SLC2A14: variants seen among roughly 807,000 people sequenced by gnomAD.
SLC2A14 encodes solute carrier family 2 member 14.
Under a neutral mutation model 43.0 loss-of-function variants are expected in SLC2A14, and 13 were observed. The observed-to-expected ratio is 0.30, with a 90% CI of 0.20 to 0.48. SLC2A14 has a LOEUF of 0.48. SLC2A14 is among the 20% of genes least tolerant of loss of function. The pLI, the probability that SLC2A14 is intolerant of heterozygous loss-of-function variation, is 0.99. For synonymous variants in SLC2A14, 190 were observed against 233.8 expected (o/e 0.81, Z 1.71); for missense variants, 428 against 620.4 (o/e 0.69, Z 3.29).
At chr12:7,862,594 C>T (rs1232955152) in intron 2 of SLC2A14, among the ~76,000 whole-genome samples, 1 of 152,184 alleles carries the variant, frequency 6.6e-6, no homozygotes, top group African/African-American at 2.4e-5. Context: ...GACTGGCAGG[C>T]AGCTCCACCT....
intron 2 of SLC2A14, among the ~76,000 whole-genome samples, chr12:7,853,429 C>CAAAAA (rs35414391): frequency 2.4e-5 from 2 of 84,596 alleles, no homozygotes; most frequent in African/African-American, 1.0e-4. Context: ...GACTCCATTT[C>CAAAAA]AAAAAAAAAA....
chr12:7,853,845 T>C (rs1867135487), intron 2 of SLC2A14, among the ~76,000 whole-genome samples: 1 of 152,112 alleles, frequency 6.6e-6, no homozygotes, highest in Non-Finnish European at 1.5e-5. Context: ...AGATGGAGAA[T>C]GTGATAACTT....
intron 2 of SLC2A14, among the ~76,000 whole-genome samples, chr12:7,867,032 C>A (rs1944949287): frequency 6.6e-6 from 1 of 151,474 alleles, no homozygotes; most frequent in Admixed American, 6.6e-5. Context: ...GTAATCCCAG[C>A]ACTTTGGGAG....
chr12:7,872,535 T>C (rs1020429395), intron 1 of SLC2A14, among the ~76,000 whole-genome samples: 2 of 152,186 alleles, frequency 1.3e-5, no homozygotes, highest in Non-Finnish European at 2.9e-5. Flanking sequence ...CCCTAGAATA[T>C]ACAGTCCAGC....
intron 1 of SLC2A14, chr12:7,890,984 A>T (rs763892258): frequency 1.1e-5 from 17 of 1,533,698 alleles, no homozygotes; most frequent in Admixed American, 2.0e-5. Flanking sequence ...TGATCTATCT[A>T]GTTCCACTTA....
chr12:7,849,413 AG>A lies in SLC2A14; in HGVS notation c.19-16600del, dbSNP rs537540309. Among the ~76,000 whole-genome samples the A allele has an allele frequency of 3.6e-4, 55 of 151,940 alleles. No homozygotes were observed. The South Asian group carries it at 0.011, about 30-fold the overall frequency. On this transcript the variant is annotated intron_variant, in intron 2 of 10. Transcript: ENST00000431042. ...TAGCTACTTGGGAGGCTGAAGTGGG[AG>A]GATCATTCAAGCTCTGGAGGTTGAG...
chr12:7,833,973 T>C (rs1431557986), intron 2 of SLC2A14, among the ~76,000 whole-genome samples: 2 of 152,110 alleles, frequency 1.3e-5, no homozygotes, highest in Admixed American at 1.3e-4. Flanking sequence ...CAACCTTTCC[T>C]ATCTTAAATT....
chr12:7,834,551 C>T lies in SLC2A14; in HGVS notation c.19-1737G>A, dbSNP rs1432314394. 4.2e-5 allele frequency among the ~76,000 whole-genome samples: 4 copies of T among 94,700 alleles called. No individual in the cohort carries two copies. In the East Asian group the frequency reaches 1.3e-3, roughly 30 times the overall value. 62.1% of individuals were successfully genotyped at this position (94,700 alleles called of 152,430 possible). On this transcript the variant is annotated intron_variant, in intron 2 of 10. Transcript: ENST00000431042. Reference sequence around the variant, plus strand: ...CTCTCTTTTTTTTTTTTTTTTGAGACCCCTTCTCTATCAAAAAAAAAAAAA... The same window carrying T: ...CTCTCTTTTTTTTTTTTTTTTGAGATCCCTTCTCTATCAAAAAAAAAAAAA...
At chr12:7,884,200 A>G (rs919318501) in intron 1 of SLC2A14, among the ~76,000 whole-genome samples, 29 of 152,202 alleles carry the variant, frequency 1.9e-4, no homozygotes, top group East Asian at 5.8e-4. Flanking sequence ...GATTACAGGC[A>G]TGAGCCACCG....
chr12:7,887,002 C>G (rs1318553871), intron 1 of SLC2A14, among the ~76,000 whole-genome samples: 1 of 150,764 alleles, frequency 6.6e-6, no homozygotes, highest in East Asian at 1.9e-4. Context: ...ACCTCCGCCT[C>G]CCAGGTTCAA....
At chr12:7,872,622 C>T in intron 1 of SLC2A14, 185 bp downstream of exon 1, 1 of 362,588 alleles carries the variant, frequency 2.8e-6, no homozygotes, top group Non-Finnish European at 3.8e-6. Flanking sequence ...AGTAGGTGCT[C>T]AGTAAATCAC....
chr12:7,863,875 G>A (rs775936348), intron 2 of SLC2A14, among the ~76,000 whole-genome samples: 1 of 150,626 alleles, frequency 6.6e-6, no homozygotes, highest in South Asian at 2.1e-4. Context: ...GGGTGCAGTG[G>A]CATGATCTTG....
intron 1 of SLC2A14, among the ~76,000 whole-genome samples, chr12:7,883,590 C>CTTTTTTTT (rs1204450230): frequency 5.3e-5 from 5 of 95,214 alleles, no homozygotes; most frequent in African/African-American, 1.4e-4. Flanking sequence ...TTTTTCTTTT[C>CTTTTTTTT]TTTTTTTTTT....
chr12:7,886,912 C>CTTT (rs11442108), intron 1 of SLC2A14, among the ~76,000 whole-genome samples: 13 of 131,862 alleles, frequency 9.9e-5, no homozygotes, highest in African/African-American at 2.0e-4. Flanking sequence ...TAATGATTTT[C>CTTT]TTTTTTTTTT....
At chr12:7,821,077 A>T in intron 8 of SLC2A14, 144 bp downstream of exon 8, 1 of 555,984 alleles carries the variant, frequency 1.8e-6, no homozygotes, top group Non-Finnish European at 3.0e-6. Flanking sequence ...ACAGAGCAAG[A>T]CTCTGTCTCA....
chr12:7,825,766 C>CAAAAAAAAAAA (rs35156149), intron 7 of SLC2A14, among the ~76,000 whole-genome samples: 1 of 121,260 alleles, frequency 8.2e-6, no homozygotes. Flanking sequence ...CTCTGTCTCA[C>CAAAAAAAAAAA]AAAAAAAAAA....
Position 7,854,064 on chromosome 12 carries a change from A to G in SLC2A14, c.18+15799T>C, listed in dbSNP as rs148405385. On this transcript the variant is annotated intron_variant, in intron 2 of 10. Transcript: ENST00000431042. ...TTTCCCCCTGACTTCCAGAGTCAAT[A>G]TCACTTGATCTTGGCCAAAAGACTG... is the stretch of plus-strand genomic sequence containing the variant. Among the ~76,000 whole-genome samples, 225 of 152,210 alleles carry G rather than the reference A, an allele frequency of 1.5e-3. No homozygotes were observed. In the Middle Eastern group the frequency reaches 0.017, roughly 12 times the overall value.
At chr12:7,842,650 C>T (rs928072337) in intron 2 of SLC2A14, among the ~76,000 whole-genome samples, 1 of 152,008 alleles carries the variant, frequency 6.6e-6, no homozygotes, top group Non-Finnish European at 1.5e-5. Context: ...ACCCCCCTCC[C>T]CCCACTCACA....
At chr12:7,877,658 C>T (rs982770778), upstream of SLC2A14, among the ~76,000 whole-genome samples, 7 of 151,946 alleles carry the variant, frequency 4.6e-5, no homozygotes, top group Non-Finnish European at 7.4e-5. Context: ...TTCTTGACCT[C>T]GGGTGATCCG....
Sources: gnomAD v4.1 joint callset for allele counts (sites outside exome capture counted in the v4.1 genomes callset) on GRCh38, gnomAD v4.1.1 for gene constraint, MANE v1.5 for transcripts, NCBI Gene and HGNC (gene_info 2026-07-23, HGNC 2026-07-21) for gene names.